Variants in BLOC1S5 observed in about 807,000 individuals in gnomAD.
BLOC1S5 encodes the protein biogenesis of lysosome-related organelles complex 1 subunit 5.
BLOC1S5 carries 27 observed loss-of-function variants against 24.3 expected under a neutral mutation model. The ratio of observed to expected loss-of-function variants is 1.11; its 90% CI spans 0.82 to 1.53. The LOEUF (loss-of-function observed/expected upper bound fraction) is 1.53. Among genes scored for constraint, BLOC1S5 ranks in the 40% most tolerant of loss-of-function variants. The pLI is 0.00. For missense variants in BLOC1S5, 239 were observed against 229.4 expected (o/e 1.04, Z -0.27); for synonymous variants, 84 against 74.5 (o/e 1.13, Z -0.66).
At chr6:8,025,600 AGAAG>A (rs1317182531) in intron 4 of BLOC1S5, among the ~76,000 whole-genome samples, 1 of 152,228 alleles carries the variant, frequency 6.6e-6, no homozygotes, top group Non-Finnish European at 1.5e-5. Flanking sequence ...TGAAACTCTG[AGAAG>A]GTTCATTCCA....
intron 2 of BLOC1S5, among the ~76,000 whole-genome samples, chr6:8,058,666 G>A (rs1217697652): frequency 6.6e-6 from 1 of 152,110 alleles, no homozygotes; most frequent in Non-Finnish European, 1.5e-5. Flanking sequence ...CTCCAGGTTG[G>A]GTTACAGAGC....
intron 3 of BLOC1S5, among the ~76,000 whole-genome samples, chr6:8,029,588 G>A (rs1476268578): frequency 6.6e-6 from 1 of 152,162 alleles, no homozygotes; most frequent in African/African-American, 2.4e-5. Flanking sequence ...CAGAAACTCT[G>A]CTCTGTAACT....
chr6:8,048,321 C>A (rs890288085), intron 2 of BLOC1S5, among the ~76,000 whole-genome samples: 1 of 152,212 alleles, frequency 6.6e-6, no homozygotes, highest in Non-Finnish European at 1.5e-5. Context: ...AGGTGTCTAA[C>A]CTCCCACTGG....
chr6:8,027,572 G>A (rs916318313), intron 3 of BLOC1S5, among the ~76,000 whole-genome samples: 14 of 152,286 alleles, frequency 9.2e-5, no homozygotes, highest in Middle Eastern at 3.4e-3. Context: ...GGTGGCTCAC[G>A]CCTGTAATCC....
chr6:8,027,329 A>G (rs528618878), intron 3 of BLOC1S5: 4 of 456,486 alleles, frequency 8.8e-6, no homozygotes, highest in Admixed American at 7.1e-5. Context: ...ACAAATGTTT[A>G]CTGAGCATGT....
At chr6:8,020,151 A>G (rs917932902) in intron 4 of BLOC1S5, among the ~76,000 whole-genome samples, 2 of 152,246 alleles carry the variant, frequency 1.3e-5, no homozygotes, top group Non-Finnish European at 2.9e-5. Context: ...AAAGTATAGA[A>G]TATCTTTTTA....
Position 8,027,261 on chromosome 6 carries a change from T to C in BLOC1S5, c.326-836A>G. On this transcript the variant is annotated intron_variant, in intron 3 of 4. Transcript: ENST00000397457. The stretch of plus-strand genomic sequence containing the variant: ...GGTTAAGAGTGAGCCTTAGTCAAAT[T>C]TGGCACTCAGTTGTGTGAATGATCT... 6 of 445,354 alleles carry C rather than the reference T, an allele frequency of 1.3e-5. No homozygotes were observed. In the Middle Eastern group the frequency reaches 1.3e-3, roughly 100 times the overall value. The allele number at this position is 445,354 out of a possible 1,614,324, so 27.6% of individuals were successfully genotyped here.
intron 2 of BLOC1S5, among the ~76,000 whole-genome samples, chr6:8,059,915 G>A (rs112241292): frequency 0.024 from 3,673 of 152,334 alleles, 146 homozygotes; most frequent in African/African-American, 0.082. Context: ...CCGTAAGAAC[G>A]AAGGGTGGGA....
intron 3 of BLOC1S5, among the ~76,000 whole-genome samples, chr6:8,037,213 T>C (rs1257398347): frequency 2.6e-5 from 4 of 152,218 alleles, no homozygotes; most frequent in Non-Finnish European, 5.9e-5. Flanking sequence ...CACATGATCT[T>C]ATATTTAGAA....
At chr6:8,041,655 C>CTTTCTTTCTTTTT (rs111955375) in intron 2 of BLOC1S5, among the ~76,000 whole-genome samples, 6 of 111,928 alleles carry the variant, frequency 5.4e-5, no homozygotes, top group South Asian at 6.3e-4. Context: ...TTCTTTCTTT[C>CTTTCTTTCTTTTT]TTTTTTTTTG....
At chr6:8,064,067 CGAA>C (rs1030867205) in intron 1 of BLOC1S5, among the ~76,000 whole-genome samples, 195 bp downstream of exon 1, 1 of 148,470 alleles carries the variant, frequency 6.7e-6, no homozygotes. Flanking sequence ...CGGGGAAACA[CGAA>C]GAGTTGGGCT....
intron 3 of BLOC1S5, among the ~76,000 whole-genome samples, chr6:8,036,499 A>G (rs1408821642): frequency 6.6e-6 from 1 of 152,158 alleles, no homozygotes; most frequent in Non-Finnish European, 1.5e-5. Context: ...TCAACAAACT[A>G]ATAATGAATA....
At chr6:8,033,872 GA>G (rs1320546247) in intron 3 of BLOC1S5, among the ~76,000 whole-genome samples, 1 of 152,160 alleles carries the variant, frequency 6.6e-6, no homozygotes, top group East Asian at 1.9e-4. Flanking sequence ...ACAGACACAT[GA>G]AAAAATGCTC....
chr6:8,041,476 C>T (rs1763682073), intron 2 of BLOC1S5, among the ~76,000 whole-genome samples: 1 of 151,492 alleles, frequency 6.6e-6, no homozygotes, highest in Admixed American at 6.6e-5. Flanking sequence ...TCACATCCAG[C>T]TAATTTTTTG....
rs145744191 is a variant in BLOC1S5, at chr6:8,022,256, G to A, written c.384+4111C>T. On this transcript the variant is annotated intron_variant, in intron 4 of 4. Transcript: ENST00000397457. ...GTGCTACTGGCATCTAGTAGGCAGAGGTCAAGGATGCTGCTAAACATCCTG... is the reference window on the plus strand; with the variant it reads ...GTGCTACTGGCATCTAGTAGGCAGAAGTCAAGGATGCTGCTAAACATCCTG... 9.5e-3 allele frequency among the ~76,000 whole-genome samples: 1,415 copies of A among 149,062 alleles called. 26 individuals carry two copies. Among genetic ancestry groups the A allele is most frequent in the African/African-American group, 0.033 (1,348 of 40,288 alleles).
chr6:8,037,660 C>T (rs545996390), intron 3 of BLOC1S5, among the ~76,000 whole-genome samples: 16 of 152,034 alleles, frequency 1.1e-4, no homozygotes, highest in Non-Finnish European at 2.2e-4. Context: ...CCCTGAATAG[C>T]CAAAGCAATT....
chr6:8,015,585 G>T lies in BLOC1S5; in HGVS notation c.*64C>A. 6.7e-7 allele frequency: 1 copy of T among 1,503,342 alleles called. No individual in the cohort carries two copies. The highest frequency in any genetic ancestry group is 9.1e-7 in the Non-Finnish European group (1 of 1,102,234). 93.1% of individuals were successfully genotyped at this position (1,503,342 alleles called of 1,614,324 possible). A position where few individuals can be genotyped will look rare whatever the true frequency, so the allele number is the denominator to read the frequency against. ...AAGCAGAGGCTAAACGGTCTGGTGG[G>T]AATAGTTTTCAGGAGAGAGGTGAAC... is the stretch of plus-strand genomic sequence containing the variant. On this transcript the variant is annotated 3_prime_UTR_variant, in exon 5 of 5. Coordinates refer to ENST00000397457, the MANE Select transcript of BLOC1S5 (RefSeq NM_201280.3).
At position 8,041,344 on chromosome 6, in the gene BLOC1S5, G is replaced by C. The variant is rs769771280; in HGVS notation, c.196-76C>G. The stretch of plus-strand genomic sequence containing the variant: ...TTTTTTTTTTTTGAAATGGAGTCTC[G>C]CTCTGTCGCCCAGACTGGAGTGCGG... On this transcript the variant is annotated intron_variant, in intron 2 of 4. Transcript: ENST00000397457. 4 of 1,297,638 alleles carry C rather than the reference G, an allele frequency of 3.1e-6. No homozygotes were observed. In the African/African-American group the frequency reaches 5.5e-5, roughly 18 times the overall value. 80.4% of individuals were successfully genotyped at this position (1,297,638 alleles called of 1,614,324 possible).
At chr6:8,057,442 T>C (rs921938480) in intron 2 of BLOC1S5, among the ~76,000 whole-genome samples, 8 of 152,210 alleles carry the variant, frequency 5.3e-5, no homozygotes, top group African/African-American at 1.9e-4. Flanking sequence ...GTTTCTGGCA[T>C]GAAAATTCTC....
Sources: allele counts gnomAD v4.1 joint callset (sites outside exome capture counted in the v4.1 genomes callset), GRCh38; gene constraint gnomAD v4.1.1; transcripts MANE v1.5; gene names NCBI Gene and HGNC (gene_info 2026-07-23, HGNC 2026-07-21).